The following WWTR1 variants were observed in gnomAD, a reference collection of about 807,000 sequenced individuals.
The protein encoded by WWTR1 is WW domain containing transcription regulator 1.
Under a neutral mutation model 40.1 loss-of-function variants are expected in WWTR1, and 13 were observed. The ratio of observed to expected loss-of-function variants is 0.32; its 90% confidence interval spans 0.21 to 0.52. The LOEUF (loss-of-function observed/expected upper bound fraction) is 0.52, where lower values mean the gene tolerates loss of function less well. Among genes scored for constraint, WWTR1 ranks in the 20% least tolerant of loss-of-function variants. The probability of loss-of-function intolerance (pLI) is 0.97; values close to 1 mark genes in which losing one functional copy is unlikely to be tolerated. For synonymous variants in WWTR1, 230 were observed against 210.1 expected (o/e 1.09, Z -0.82); for missense variants, 436 against 523.1 (o/e 0.83, Z 1.63).
chr3:149,522,304 G>A (rs570306118), intron 6 of WWTR1, among the ~76,000 whole-genome samples: 1 of 152,254 alleles, frequency 6.6e-6, no homozygotes, highest in African/African-American at 2.4e-5. Context: ...GTTTTCCAGG[G>A]AGAAAAATTA....
intron 3 of WWTR1, among the ~76,000 whole-genome samples, chr3:149,568,240 G>T (rs1358937227): frequency 2.7e-5 from 4 of 148,092 alleles, no homozygotes; most frequent in Non-Finnish European, 5.9e-5. Flanking sequence ...ACAAAAATTA[G>T]CTGGGTGTGG....
intron 1 of WWTR1, among the ~76,000 whole-genome samples, chr3:149,675,327 T>C (rs1714226867): frequency 6.6e-6 from 1 of 152,216 alleles, no homozygotes; most frequent in South Asian, 2.1e-4. Flanking sequence ...TATTTCTTTA[T>C]TCATATTACA....
intron 2 of WWTR1, among the ~76,000 whole-genome samples, chr3:149,625,475 GTT>G (rs1237393337): frequency 6.6e-6 from 1 of 151,600 alleles, no homozygotes; most frequent in East Asian, 2.0e-4. Flanking sequence ...CTCAAATTTT[GTT>G]TTTGTTTTAA....
chr3:149,677,031 C>T (rs1398256677), intron 1 of WWTR1, among the ~76,000 whole-genome samples: 1 of 151,902 alleles, frequency 6.6e-6, no homozygotes, highest in Non-Finnish European at 1.5e-5. Context: ...ATTCTCCTGC[C>T]TCAGCCTCTG....
At chr3:149,583,845 G>A (rs1418990995) in intron 2 of WWTR1, among the ~76,000 whole-genome samples, 1 of 152,178 alleles carries the variant, frequency 6.6e-6, no homozygotes, top group Non-Finnish European at 1.5e-5. Context: ...GAGCAGTATG[G>A]TGGTAAACAG....
At chr3:149,670,305 G>A (rs1168602754) in intron 1 of WWTR1, among the ~76,000 whole-genome samples, 2 of 152,174 alleles carry the variant, frequency 1.3e-5, no homozygotes, top group Non-Finnish European at 2.9e-5. Context: ...ATTTTTCAGG[G>A]CGCAGTTCAT....
upstream of WWTR1, among the ~76,000 whole-genome samples, chr3:149,661,777 G>A (rs1713590558): frequency 2.9e-5 from 4 of 136,504 alleles, no homozygotes; most frequent in South Asian, 7.0e-4. Context: ...CTGTCACCTA[G>A]GCTGGAGTGC....
chr3:149,636,859 C>A (rs372561845), intron 2 of WWTR1, among the ~76,000 whole-genome samples: 1 of 145,030 alleles, frequency 6.9e-6, no homozygotes, highest in African/African-American at 2.5e-5. Context: ...CCCAGCTACT[C>A]GGGAGGCTGA....
At chr3:149,526,308 T>C (rs558987340) in intron 5 of WWTR1, among the ~76,000 whole-genome samples, 183 bp from the exon 6 acceptor site, 9 of 152,300 alleles carry the variant, frequency 5.9e-5, no homozygotes, top group African/African-American at 2.2e-4. Context: ...AATAATCATG[T>C]GTGGCCATTC....
chr3:149,571,521 G>A (rs1361118585), intron 3 of WWTR1, among the ~76,000 whole-genome samples: 1 of 152,054 alleles, frequency 6.6e-6, no homozygotes, highest in Non-Finnish European at 1.5e-5. Flanking sequence ...CTTTAGATAA[G>A]GAACTCCACA....
chr3:149,575,948 G>C, intron 2 of WWTR1: 1 of 456,502 alleles, frequency 2.2e-6, no homozygotes, highest in Non-Finnish European at 4.4e-6. Context: ...GAGCCTCCAC[G>C]GCCCACCCTT....
chr3:149,557,950 C>T (rs558693290), intron 3 of WWTR1, among the ~76,000 whole-genome samples: 25 of 144,420 alleles, frequency 1.7e-4, no homozygotes, highest in Middle Eastern at 7.2e-3. Flanking sequence ...TTGCAGTGAG[C>T]GGAGATCACG....
chr3:149,560,667 T>G (rs1737044066), intron 3 of WWTR1, among the ~76,000 whole-genome samples: 1 of 152,176 alleles, frequency 6.6e-6, no homozygotes, highest in Non-Finnish European at 1.5e-5. Context: ...TTTCTTTCTT[T>G]CCAGCGCTGC....
upstream of WWTR1, among the ~76,000 whole-genome samples, chr3:149,660,786 T>G (rs1342401784): frequency 3.9e-5 from 6 of 152,214 alleles, no homozygotes; most frequent in Admixed American, 3.9e-4. Context: ...CACATTTTAT[T>G]TGTTGATATT....
intron 4 of WWTR1, among the ~76,000 whole-genome samples, chr3:149,532,090 G>T (rs1735607420): frequency 6.6e-6 from 1 of 152,144 alleles, no homozygotes; most frequent in Non-Finnish European, 1.5e-5. Flanking sequence ...CTATCTAACA[G>T]AAAGTTATTT....
At chr3:149,575,085 C>T (rs1317987860) in intron 2 of WWTR1, among the ~76,000 whole-genome samples, 2 of 150,932 alleles carry the variant, frequency 1.3e-5, no homozygotes, top group Non-Finnish European at 3.0e-5. Flanking sequence ...CAGAGTGAGA[C>T]TCCATCCCCC....
intron 2 of WWTR1, among the ~76,000 whole-genome samples, chr3:149,664,874 C>A (rs1713743431): frequency 1.3e-5 from 2 of 152,000 alleles, no homozygotes; most frequent in Admixed American, 1.3e-4. Flanking sequence ...TAGGAGTGAA[C>A]CACCGCGCCC....
At chr3:149,672,365 C>G (rs1484126676) in intron 1 of WWTR1, among the ~76,000 whole-genome samples, 1 of 152,138 alleles carries the variant, frequency 6.6e-6, no homozygotes, top group Non-Finnish European at 1.5e-5. Context: ...GATTTCCACT[C>G]ACAAGTTGTT....
chr3:149,540,812 C>A (rs1736060089), intron 4 of WWTR1, among the ~76,000 whole-genome samples: 1 of 152,088 alleles, frequency 6.6e-6, no homozygotes, highest in African/African-American at 2.4e-5. Flanking sequence ...AGCTGAGCAA[C>A]AAAGCACAAT....
Sources: allele counts gnomAD v4.1 joint callset (sites outside exome capture counted in the v4.1 genomes callset), GRCh38; gene constraint gnomAD v4.1.1; transcripts MANE v1.5; gene names NCBI Gene and HGNC (gene_info 2026-07-23, HGNC 2026-07-21).